The following TRIM9 variants were observed in gnomAD, a reference collection of about 807,000 sequenced individuals.
TRIM9 encodes tripartite motif containing 9, also known as E3 ubiquitin-protein ligase TRIM9.
Under a neutral mutation model 78.3 loss-of-function variants are expected in TRIM9, and 26 were observed. That is an observed-to-expected ratio of 0.33 (90% CI 0.24 to 0.46). The LOEUF (loss-of-function observed/expected upper bound fraction) is 0.46. Among genes scored for constraint, TRIM9 ranks in the 20% least tolerant of loss-of-function variants. TRIM9 has a pLI of 1.00. For missense variants in TRIM9, 787 were observed against 1,036.4 expected (o/e 0.76, Z 3.30); for synonymous variants, 398 against 416.5 (o/e 0.96, Z 0.54).
At chr14:50,985,631 G>GCC (rs1426030520) in intron 8 of TRIM9, among the ~76,000 whole-genome samples, 1 of 152,202 alleles carries the variant, frequency 6.6e-6, no homozygotes, top group African/African-American at 2.4e-5. Flanking sequence ...CTCAGCCAGC[G>GCC]CCCGTGCCGT....
intron 1 of TRIM9, among the ~76,000 whole-genome samples, chr14:51,081,985 G>A (rs113892108): frequency 0.017 from 2,620 of 152,298 alleles, 78 homozygotes; most frequent in African/African-American, 0.056. Context: ...GGGGGTCAGA[G>A]GTCAGTGGGT....
chr14:51,062,637 T>A lies in TRIM9; in HGVS notation c.822+31481A>T, dbSNP rs548419732. ...AGGATAGTCAGGAAAACCTGAAGAT[T>A]TATTGGCCAGTGGTGAGGGAAGGCA... is the stretch of plus-strand genomic sequence containing the variant. On this transcript the variant is annotated intron_variant, in intron 1 of 12. Transcript: ENST00000684578. 2.0e-3 allele frequency among the ~76,000 whole-genome samples: 309 copies of A among 152,120 alleles called. 1 individual carries two copies. The highest frequency in any genetic ancestry group is 6.4e-3 in the African/African-American group (267 of 41,488).
At position 50,979,563 on chromosome 14, in the gene TRIM9, G is replaced by T. The variant is rs1184095201; in HGVS notation, c.2163-14C>A. 5 of 1,608,572 alleles carry T rather than the reference G, an allele frequency of 3.1e-6. No homozygotes were observed. The highest frequency in any genetic ancestry group is 1.7e-5 in the Admixed American group (1 of 59,366). ...CCTCCCTCAGTTCTGTAGGAAAAGAGAAAAATTGGGGTTCATTTCCTTGTG... is the reference window on the plus strand; with the variant it reads ...CCTCCCTCAGTTCTGTAGGAAAAGATAAAAATTGGGGTTCATTTCCTTGTG... On this transcript the variant is annotated splice_polypyrimidine_tract_variant and intron_variant, in intron 11 of 12. Coordinates refer to ENST00000684578, the MANE Select transcript of TRIM9 (RefSeq NM_001387360.1).
chr14:50,998,829 A>G (rs2054572003), intron 6 of TRIM9, among the ~76,000 whole-genome samples: 1 of 152,224 alleles, frequency 6.6e-6, no homozygotes, highest in Non-Finnish European at 1.5e-5. Flanking sequence ...AGCATAGGTT[A>G]GGCATTTGCC....
At chr14:51,075,166 C>T (rs558536047) in intron 1 of TRIM9, among the ~76,000 whole-genome samples, 10 of 152,192 alleles carry the variant, frequency 6.6e-5, no homozygotes, top group Admixed American at 2.6e-4. Flanking sequence ...TTAAGTGGGT[C>T]GCCCAAGGAG....
rs762163337 is a variant in TRIM9 at position 51,000,827 on chromosome 14, G to C, written c.1320C>G (p.Val440=). ...DFVQVKASSP[V]PATPILQLEE... The stretch of plus-strand genomic sequence containing the variant: ...CCAGCTGTAGGATAGGGGTTGCTGG[G>C]ACTGGAGAGGAAGCTAAACAGAAAT... The change falls in exon 6 of 13, where the codon GTC becomes GTG. Residue 440 remains valine, a synonymous_variant. Transcript: ENST00000684578. 10 of 1,614,014 alleles carry C rather than the reference G, an allele frequency of 6.2e-6. No individual in the cohort carries two copies. The highest frequency in any genetic ancestry group is 5.1e-6 in the Non-Finnish European group (6 of 1,179,992).
intron 9 of TRIM9, 21 bp from the exon 10 acceptor site, chr14:50,982,986 A>C: frequency 1.3e-6 from 2 of 1,548,602 alleles, no homozygotes; most frequent in Non-Finnish European, 1.7e-6. Flanking sequence ...TCCAAGTGAA[A>C]GGCATGGGGG....
chr14:51,059,576 G>A (rs1473086015), intron 1 of TRIM9, among the ~76,000 whole-genome samples: 1 of 152,126 alleles, frequency 6.6e-6, no homozygotes, highest in African/African-American at 2.4e-5. Context: ...GAGGCAGGTG[G>A]ATCACGAGGT....
At chr14:50,984,412 C>G (rs1446238230) in intron 8 of TRIM9, among the ~76,000 whole-genome samples, 3 of 152,258 alleles carry the variant, frequency 2.0e-5, no homozygotes, top group East Asian at 1.9e-4. Context: ...TATGATCTTA[C>G]TTTTGGTTAG....
chr14:50,979,597 AG>A, intron 11 of TRIM9, 48 bp from the exon 12 acceptor site: 2 of 1,503,824 alleles, frequency 1.3e-6, no homozygotes, highest in Non-Finnish European at 1.8e-6. Flanking sequence ...TGGTCACTCT[AG>A]AAGCTCCCCC....
intron 1 of TRIM9, among the ~76,000 whole-genome samples, chr14:51,057,022 C>A (rs1203421505): frequency 3.9e-5 from 6 of 152,246 alleles, no homozygotes; most frequent in African/African-American, 1.2e-4. Flanking sequence ...ATCTCCTATT[C>A]ATTAACAAAA....
rs189161784 is a variant in TRIM9 at position 50,978,988 on chromosome 14, A to T, written c.2325+399T>A. On this transcript the variant is annotated intron_variant, in intron 12 of 12. Transcript: ENST00000684578. ...AAGATGCTCAGATTTTCTGATAATG[A>T]TACTAATGCTTCAGTCTTACACCCT... The T allele has an allele frequency of 6.1e-4, 704 of 1,160,990 alleles. 3 individuals are homozygous for T. The African/African-American group carries it at 9.9e-3, about 16-fold the overall frequency. The allele number at this position is 1,160,990 out of a possible 1,614,324, so 71.9% of individuals were successfully genotyped here. A position where few individuals can be genotyped will look rare whatever the true frequency, so the allele number is the denominator to read the frequency against.
chr14:51,040,532 C>G (rs560928896), intron 1 of TRIM9, among the ~76,000 whole-genome samples: 1 of 152,308 alleles, frequency 6.6e-6, no homozygotes, highest in Admixed American at 6.5e-5. Flanking sequence ...GACTGGAGCC[C>G]TGGAGTGAGG....
intron 1 of TRIM9, among the ~76,000 whole-genome samples, chr14:51,088,385 T>C (rs2063975623): frequency 1.3e-5 from 2 of 152,236 alleles, no homozygotes; most frequent in Admixed American, 6.5e-5. Flanking sequence ...CAATGTGAAC[T>C]ACCTGCAGCC....
At chr14:51,061,774 C>T (rs1394754995) in intron 1 of TRIM9, among the ~76,000 whole-genome samples, 1 of 152,146 alleles carries the variant, frequency 6.6e-6, no homozygotes, top group Non-Finnish European at 1.5e-5. Context: ...GTTGTTTTAG[C>T]AGCATTTATC....
chr14:51,021,965 A>G (rs1028669786), intron 3 of TRIM9, among the ~76,000 whole-genome samples: 2 of 152,006 alleles, frequency 1.3e-5, no homozygotes, highest in Non-Finnish European at 2.9e-5. Context: ...TAGAAAGTAC[A>G]GATTCTATTT....
chr14:51,023,364 A>G (rs2057937688), intron 2 of TRIM9, among the ~76,000 whole-genome samples: 1 of 152,222 alleles, frequency 6.6e-6, no homozygotes, highest in Non-Finnish European at 1.5e-5. Context: ...TTAAATTCAA[A>G]GGAATAAAGA....
At chr14:51,074,671 C>T (rs1302093894) in intron 1 of TRIM9, among the ~76,000 whole-genome samples, 2 of 152,194 alleles carry the variant, frequency 1.3e-5, no homozygotes, top group African/African-American at 4.8e-5. Flanking sequence ...ATGAGTGTGG[C>T]CTATAGACAA....
At chr14:50,978,179 C>G (rs932348559) in intron 12 of TRIM9, among the ~76,000 whole-genome samples, 1 of 152,132 alleles carries the variant, frequency 6.6e-6, no homozygotes, top group Non-Finnish European at 1.5e-5. Context: ...AGTTTGCAAT[C>G]AATGTTACTG....
Sources: allele counts gnomAD v4.1 joint callset (sites outside exome capture counted in the v4.1 genomes callset), GRCh38; gene constraint gnomAD v4.1.1; transcripts MANE v1.5; gene names NCBI Gene and HGNC (gene_info 2026-07-23, HGNC 2026-07-21).